The following FAM186B variants were observed in gnomAD, a reference collection of about 807,000 sequenced individuals.
FAM186B encodes family with sequence similarity 186 member B.
A neutral mutation model predicts 83.4 loss-of-function variants in FAM186B; 68 were observed. That is an observed-to-expected ratio of 0.81 (90% confidence interval 0.67 to 1.00). The LOEUF is 1.00. FAM186B is among the 50% of genes least tolerant of loss of function. The probability of loss-of-function intolerance (pLI) is 0.00; values close to 1 mark genes in which losing one functional copy is unlikely to be tolerated. For synonymous variants in FAM186B, 389 were observed against 422.0 expected (o/e 0.92, Z 0.96); for missense variants, 983 against 1,099.2 (o/e 0.89, Z 1.49).
upstream of FAM186B, among the ~76,000 whole-genome samples, chr12:49,609,355 A>G (rs964217614): frequency 6.6e-6 from 1 of 152,168 alleles, no homozygotes; most frequent in Non-Finnish European, 1.5e-5. Flanking sequence ...GAGCTGCCCT[A>G]TCCTTCCTGT....
At chr12:49,588,170 TTA>T (rs1939492579) in intron 6 of FAM186B, among the ~76,000 whole-genome samples, 1 of 152,004 alleles carries the variant, frequency 6.6e-6, no homozygotes, top group African/African-American at 2.4e-5. Context: ...GGTAGAAAGG[TTA>T]TAAGTTTTCA....
chr12:49,587,769 T>G lies in FAM186B; in HGVS notation c.2535-17A>C. On this transcript the variant is annotated splice_polypyrimidine_tract_variant and intron_variant, in intron 6 of 6. Transcript: ENST00000257894. ...CCCTGTTGGCTGGGAGTGGGGAGTT[T>G]GGAGAATGTGAAAAGCAACAGAGAG... The G allele has an allele frequency of 6.2e-7, 1 of 1,604,334 alleles. No homozygotes were observed. The highest frequency in any genetic ancestry group is 8.5e-7 in the Non-Finnish European group (1 of 1,175,802).
In FAM186B at chr12:49,605,567, AC is replaced by A; in HGVS notation, c.-91del. The A allele has an allele frequency of 7.0e-7, 1 of 1,423,172 alleles. No homozygotes were observed. Among genetic ancestry groups the A allele is most frequent in the Non-Finnish European group, 9.5e-7 (1 of 1,049,360 alleles). 88.2% of individuals were successfully genotyped at this position (1,423,172 alleles called of 1,614,324 possible). A position where few individuals can be genotyped will look rare whatever the true frequency, so the allele number is the denominator to read the frequency against. On this transcript the variant is annotated 5_prime_UTR_variant, in exon 1 of 7. Coordinates refer to ENST00000257894, the MANE Select transcript of FAM186B (RefSeq NM_032130.3). ...GTTGCCTGCTTTGGAGGTTAAGGGC[AC>A]CAGGGTGTCTCCTGGGTACCCTCTG...
the FAM186B span, among the ~76,000 whole-genome samples, chr12:49,614,736 A>C: frequency 6.6e-6 from 1 of 152,150 alleles, no homozygotes; most frequent in Non-Finnish European, 1.5e-5. Flanking sequence ...CTAAAGTAAA[A>C]GTTGTGGGAG....
At chr12:49,592,408 G>A (rs1377286628) in intron 5 of FAM186B, among the ~76,000 whole-genome samples, 1 of 152,076 alleles carries the variant, frequency 6.6e-6, no homozygotes, top group Admixed American at 6.5e-5. Context: ...GGAGTTGGAG[G>A]TTGCAGTGAG....
the FAM186B span, among the ~76,000 whole-genome samples, chr12:49,611,023 T>C: frequency 6.6e-6 from 1 of 151,616 alleles, no homozygotes. Context: ...GCGAATCACT[T>C]GAGGCCAGGA....
downstream of FAM186B, among the ~76,000 whole-genome samples, chr12:49,585,010 T>C (rs2138228871): frequency 6.7e-6 from 1 of 150,362 alleles, no homozygotes; most frequent in Middle Eastern, 3.4e-3. Context: ...ACCAGCATGG[T>C]TTTTTGTTTC....
chr12:49,618,628 A>G, the FAM186B span, among the ~76,000 whole-genome samples: 1 of 152,180 alleles, frequency 6.6e-6, no homozygotes, highest in African/African-American at 2.4e-5. Flanking sequence ...TAAAAAGGAC[A>G]ATTCGGAGAA....
Position 49,588,614 on chromosome 12 carries a change from C to A in FAM186B, c.2374G>T (p.Glu792Ter), listed in dbSNP as rs377415942. 65 of 1,581,330 alleles carry A rather than the reference C, an allele frequency of 4.1e-5. No individual in the cohort carries two copies. The East Asian group carries it at 8.8e-4, about 21-fold the overall frequency. Residue 792 changes from glutamate (E) to a stop codon, truncating the protein, a stop_gained, in exon 6 of 7, where the codon GAG (glutamate) becomes TAG (stop). Coordinates refer to ENST00000257894, the MANE Select transcript of FAM186B (RefSeq NM_032130.3). LOFTEE classifies it high-confidence loss of function. ...MVTMFPKLQL[E>*]WNVHLNIPEV... ...GGGATGTTCAGGTGAACGTTCCACT[C>A]CAGCTGGAGCTAGAGGAACCAGCAG...
the FAM186B span, among the ~76,000 whole-genome samples, chr12:49,621,837 G>C: frequency 6.6e-6 from 1 of 152,162 alleles, no homozygotes; most frequent in Non-Finnish European, 1.5e-5. Flanking sequence ...TGTGGGGAGG[G>C]CTGCAGCTGG....
the FAM186B span, among the ~76,000 whole-genome samples, chr12:49,613,338 T>C: frequency 8.6e-5 from 13 of 150,448 alleles, no homozygotes; most frequent in Non-Finnish European, 1.8e-4. Context: ...CCATCTTGGC[T>C]AACATGGTGA....
At chr12:49,603,604 A>C (rs1939946712) in intron 2 of FAM186B, among the ~76,000 whole-genome samples, 1 of 152,250 alleles carries the variant, frequency 6.6e-6, no homozygotes, top group South Asian at 2.1e-4. Context: ...GAGGCCTGCC[A>C]TGTAGAAATT....
chr12:49,610,585 C>T (rs544992487), upstream of FAM186B, among the ~76,000 whole-genome samples: 428 of 151,518 alleles, frequency 2.8e-3, 1 homozygote, highest in Non-Finnish European at 2.5e-3. Flanking sequence ...GGTCAGGAGA[C>T]TGAGACCATC....
chr12:49,599,164 G>A (rs1315981771), intron 4 of FAM186B, among the ~76,000 whole-genome samples: 1 of 152,164 alleles, frequency 6.6e-6, no homozygotes, highest in Non-Finnish European at 1.5e-5. Context: ...AGGAAAGACA[G>A]GGGAGCACAT....
chr12:49,587,716 G>A lies in FAM186B; in HGVS notation c.2571C>T (p.Thr857=), dbSNP rs751330986. 26 of 1,613,930 alleles carry A rather than the reference G, an allele frequency of 1.6e-5. No individual in the cohort carries two copies. Among genetic ancestry groups the A allele is most frequent in the African/African-American group, 5.3e-5 (4 of 74,882 alleles). ...TTGCGTAACTGGAGGAGGCCACCTC[G>A]GTCTTCCAGACAGCCTCCATCTGCT... ...QGKQMEAVWK[T]EVASSSYAIE... is the part of the protein sequence containing the mutation. Residue 857 remains threonine, a synonymous_variant, in exon 7 of 7, where the codon ACC becomes ACT. Transcript: ENST00000257894.
chr12:49,589,218 G>T (rs1180180239), intron 5 of FAM186B, among the ~76,000 whole-genome samples: 3 of 152,118 alleles, frequency 2.0e-5, no homozygotes, highest in Non-Finnish European at 2.9e-5. Flanking sequence ...GCCTCCCCTA[G>T]ACTCAGGCCA....
chr12:49,621,810 C>T, the FAM186B span, among the ~76,000 whole-genome samples: 1 of 152,154 alleles, frequency 6.6e-6, no homozygotes, highest in Admixed American at 6.5e-5. Flanking sequence ...GGGCAAATCC[C>T]CTTGGACCCC....
At chr12:49,585,317 C>G (rs1228525330), downstream of FAM186B, among the ~76,000 whole-genome samples, 3 of 152,208 alleles carry the variant, frequency 2.0e-5, no homozygotes, top group Non-Finnish European at 2.9e-5. Flanking sequence ...TATGCCCGGC[C>G]TGTACCAGCG....
chr12:49,610,576 G>T (rs996692194), upstream of FAM186B, among the ~76,000 whole-genome samples: 6 of 151,888 alleles, frequency 4.0e-5, no homozygotes, highest in Non-Finnish European at 8.8e-5. Context: ...GGATCATGAG[G>T]TCAGGAGACT....
Sources: gnomAD v4.1 joint callset for allele counts (sites outside exome capture counted in the v4.1 genomes callset) on GRCh38, gnomAD v4.1.1 for gene constraint, MANE v1.5 for transcripts, NCBI Gene and HGNC (gene_info 2026-07-23, HGNC 2026-07-21) for gene names.